Variants in ACAN observed in about 807,000 individuals in gnomAD.
ACAN encodes the protein aggrecan.
In ACAN, 47 loss-of-function variants were observed where a neutral mutation model predicts 169.1. The observed-to-expected ratio is 0.28, with a 90% CI of 0.22 to 0.35. The LOEUF is 0.35. Among genes scored for constraint, ACAN ranks in the 10% least tolerant of loss-of-function variants. The probability of loss-of-function intolerance (pLI) is 1.00; values close to 1 mark genes in which losing one functional copy is unlikely to be tolerated. For synonymous variants in ACAN, 1,115 were observed against 1,112.2 expected, an observed-to-expected ratio of 1.00 and a Z score of -0.05; for missense variants, 2,716 against 2,759.9, an observed-to-expected ratio of 0.98 and a Z score of 0.36.
At position 88,872,201 on chromosome 15, in the gene ACAN, G is replaced by A. The variant is rs775174238; in HGVS notation, c.7302+116G>A. The A allele has an allele frequency of 6.3e-5, 56 of 887,570 alleles. No homozygotes were observed. The highest frequency in any genetic ancestry group is 5.9e-4 in the African/African-American group (36 of 61,176). The allele number at this position is 887,570 out of a possible 1,614,324, so 55.0% of individuals were successfully genotyped here. A position where few individuals can be genotyped will look rare whatever the true frequency, so the allele number is the denominator to read the frequency against. Reference sequence around the variant, plus strand: ...ACAGCCGCTTACCAGCTGCTGGACCGGGAACCCTTGAGGGCAGGGATTATC... The same window carrying A: ...ACAGCCGCTTACCAGCTGCTGGACCAGGAACCCTTGAGGGCAGGGATTATC... On this transcript the variant is annotated intron_variant, in intron 16 of 18. Transcript: ENST00000560601. This position sits in a 1 kb window ranked among gnomAD's most constrained non-coding sequence, Gnocchi z 5.4.
At position 88,872,334 on chromosome 15, in the gene ACAN, T is replaced by G. The variant is rs1265150267; in HGVS notation, c.7302+249T>G. 2.0e-5 allele frequency among the ~76,000 whole-genome samples: 3 copies of G among 152,118 alleles called. No homozygotes were observed. Among genetic ancestry groups the G allele is most frequent in the Non-Finnish European group, 4.4e-5 (3 of 68,018 alleles). On this transcript the variant is annotated intron_variant, in intron 16 of 18. Transcript: ENST00000560601. The surrounding 1 kb of genome is among the most constrained non-coding windows in gnomAD (Gnocchi z 5.4). ...AATGAAGGAATAACAGCCACCACCA[T>G]GAGGAGTATACGGAAGCTTTAGAGA...
rs140159360 is a variant in ACAN at position 88,872,694 on chromosome 15, G to C, written c.7303-187G>C. Among the ~76,000 whole-genome samples the C allele has an allele frequency of 2.0e-5, 3 of 152,252 alleles. No individual in the cohort carries two copies. The East Asian group carries it at 5.8e-4, about 29-fold the overall frequency. ...TGACTGATTCCCTAGAGGGCCACCG[G>C]GTTCCATGGCCCCTAGAACAGCCCT... is the stretch of plus-strand genomic sequence containing the variant. On this transcript the variant is annotated intron_variant, in intron 16 of 18. Coordinates refer to ENST00000560601, the MANE Select transcript of ACAN (RefSeq NM_001369268.1). The surrounding 1 kb of genome is among the most constrained non-coding windows in gnomAD (Gnocchi z 5.4).
chr15:88,843,713 G>C lies in ACAN; in HGVS notation c.1051+65G>C. ...TAAAATGGGGTCCTAGAGGGAAGAG[G>C]GGATCTTGGAAAGGGAGGGTTGGTT... On this transcript the variant is annotated intron_variant, in intron 6 of 18. Transcript: ENST00000560601. The surrounding 1 kb of genome is among the most constrained non-coding windows in gnomAD (Gnocchi z 4.0). 1 of 1,498,976 alleles carries C rather than the reference G, an allele frequency of 6.7e-7. No homozygotes were observed. Among genetic ancestry groups the C allele is most frequent in the South Asian group, 1.4e-5 (1 of 72,672 alleles). 92.9% of individuals were successfully genotyped at this position (1,498,976 alleles called of 1,614,324 possible).
At chr15:88,817,591 T>C (rs1343849102) in intron 1 of ACAN, among the ~76,000 whole-genome samples, 1 of 151,460 alleles carries the variant, frequency 6.6e-6, no homozygotes, top group East Asian at 1.9e-4. Context: ...CGGTGGCTTA[T>C]GCCTGTAATC....
rs1897418765 is a variant in ACAN at position 88,872,961 on chromosome 15, G to A, written c.7383G>A (p.Glu2461=). ...GEDCVVMIWH[E]KGEWNDVPCN... ...ACTGTGTGGTGATGATCTGGCACGAGAAGGGCGAGTGGAATGATGTTCCCT... is the reference window on the plus strand; with the variant it reads ...ACTGTGTGGTGATGATCTGGCACGAAAAGGGCGAGTGGAATGATGTTCCCT... The change falls in exon 17 of 19, where the codon GAG becomes GAA. Residue 2461 remains glutamate (E), a synonymous_variant. Coordinates refer to ENST00000560601, the MANE Select transcript of ACAN (RefSeq NM_001369268.1). This position sits in a 1 kb window ranked among gnomAD's most constrained non-coding sequence, Gnocchi z 5.4. 2.5e-6 allele frequency: 4 copies of A among 1,613,938 alleles called. No individual in the cohort carries two copies. The highest frequency in any genetic ancestry group is 3.4e-6 in the Non-Finnish European group (4 of 1,179,932).
chr15:88,831,701 G>T (rs767037009), intron 1 of ACAN, among the ~76,000 whole-genome samples: 1 of 152,180 alleles, frequency 6.6e-6, no homozygotes, highest in Non-Finnish European at 1.5e-5. Context: ...CTACCATATG[G>T]CCTTGAGCAA....
At chr15:88,804,265 G>A (rs1288951138) in intron 1 of ACAN, among the ~76,000 whole-genome samples, 1 of 152,154 alleles carries the variant, frequency 6.6e-6, no homozygotes, top group Non-Finnish European at 1.5e-5. Context: ...AGAGGGAAAA[G>A]GCCTTCGCGG....
chr15:88,849,430 GC>G lies in ACAN; in HGVS notation c.1733-3del. 2 of 1,572,714 alleles carry G rather than the reference GC, an allele frequency of 1.3e-6. No individual in the cohort carries two copies. Among genetic ancestry groups the G allele is most frequent in the Non-Finnish European group, 8.7e-7 (1 of 1,156,002 alleles). On this transcript the variant is annotated splice_polypyrimidine_tract_variant and splice_region_variant and intron_variant, in intron 9 of 18. Coordinates refer to ENST00000560601, the MANE Select transcript of ACAN (RefSeq NM_001369268.1). This position sits in a 1 kb window ranked among gnomAD's most constrained non-coding sequence, Gnocchi z 5.1. The stretch of plus-strand genomic sequence containing the variant: ...GGGTCATATTCTACCCCTTGCCTCT[GC>G]CCCCAGGGGAGGTGTTCTTCGCCAC...
intron 2 of ACAN, among the ~76,000 whole-genome samples, chr15:88,836,847 A>G (rs576045491): frequency 6.6e-6 from 1 of 152,364 alleles, no homozygotes; most frequent in South Asian, 2.1e-4. Flanking sequence ...TGACCCCAGG[A>G]TGGGCTTGAC....
intron 1 of ACAN, among the ~76,000 whole-genome samples, chr15:88,817,103 A>G (rs556646860): frequency 4.6e-5 from 7 of 151,860 alleles, no homozygotes; most frequent in South Asian, 4.2e-4. Context: ...GCTGGAATCT[A>G]TTTTCTCCTG....
chr15:88,819,767 A>C (rs1374344927), intron 1 of ACAN, among the ~76,000 whole-genome samples: 1 of 152,000 alleles, frequency 6.6e-6, no homozygotes, highest in African/African-American at 2.4e-5. Context: ...CCCTATCTCT[A>C]AAAAACATTT....
chr15:88,835,396 G>GACACACACAT (rs1896476337), intron 1 of ACAN, among the ~76,000 whole-genome samples: 1 of 151,660 alleles, frequency 6.6e-6, no homozygotes, highest in East Asian at 1.9e-4. Flanking sequence ...TACGCACACA[G>GACACACACAT]ACACACACAT....
rs74030531 is a variant in ACAN at position 88,874,120 on chromosome 15, A to G, written c.7630+96A>G. The G allele has an allele frequency of 4.5e-3, 6,743 of 1,500,050 alleles. 257 individuals are homozygous for G. The African/African-American group carries it at 0.081, about 18-fold the overall frequency. 92.9% of individuals were successfully genotyped at this position (1,500,050 alleles called of 1,614,324 possible). On this transcript the variant is annotated intron_variant, in intron 18 of 18. Coordinates refer to ENST00000560601, the MANE Select transcript of ACAN (RefSeq NM_001369268.1). This position sits in a 1 kb window ranked among gnomAD's most constrained non-coding sequence, Gnocchi z 7.3. The stretch of plus-strand genomic sequence containing the variant: ...CTCTCCTGGGGACCCTACACCGTCC[A>G]CAGGGTTGAGCAAGGGAAGGGAGGT...
Position 88,872,767 on chromosome 15 carries a change from T to C in ACAN, c.7303-114T>C. On this transcript the variant is annotated intron_variant, in intron 16 of 18. Transcript: ENST00000560601. The surrounding 1 kb of genome is among the most constrained non-coding windows in gnomAD (Gnocchi z 5.4). Reference sequence around the variant, plus strand: ...GTGCTGCTATCAGATGAGCCTGAAGTTGGTGCTAAAAGAGAAAGGAGATGA... The same window carrying C: ...GTGCTGCTATCAGATGAGCCTGAAGCTGGTGCTAAAAGAGAAAGGAGATGA... 2 of 1,303,850 alleles carry C rather than the reference T, an allele frequency of 1.5e-6. No individual in the cohort carries two copies. Among genetic ancestry groups the C allele is most frequent in the African/African-American group, 1.5e-5 (1 of 67,638 alleles). The allele number at this position is 1,303,850 out of a possible 1,614,324, so 80.8% of individuals were successfully genotyped here.
rs1221426690 is a variant in ACAN at position 88,857,808 on chromosome 15, G to A, written c.5223G>A (p.Gly1741=). Residue 1741 remains glycine (G), a synonymous_variant, in exon 12 of 19, where the codon GGG becomes GGA. Coordinates refer to ENST00000560601, the MANE Select transcript of ACAN (RefSeq NM_001369268.1). ...TTGGTGTCAGTGGACAGCCATCAGG[G>A]TTTCCTGACACTAGTGGGGAAACAT... ...GLFGVSGQPS[G]FPDTSGETSG... is the part of the protein sequence containing the mutation. 6 of 1,613,794 alleles carry A rather than the reference G, an allele frequency of 3.7e-6. No homozygotes were observed. Among genetic ancestry groups the A allele is most frequent in the Non-Finnish European group, 5.1e-6 (6 of 1,179,902 alleles).
chr15:88,842,514 C>T (rs80350393), intron 5 of ACAN, among the ~76,000 whole-genome samples: 1 of 145,466 alleles, frequency 6.9e-6, no homozygotes, highest in Admixed American at 6.7e-5. Flanking sequence ...CTGCCCATCC[C>T]CCCTCCCCCC....
chr15:88,839,507 A>G lies in ACAN; in HGVS notation c.454+461A>G, dbSNP rs1896594433. Among the ~76,000 whole-genome samples, 1 of 152,236 alleles carries G rather than the reference A, an allele frequency of 6.6e-6. No individual in the cohort carries two copies. The highest frequency in any genetic ancestry group is 2.1e-4 in the South Asian group (1 of 4,834). On this transcript the variant is annotated intron_variant, in intron 3 of 18. Transcript: ENST00000560601. The surrounding 1 kb of genome is among the most constrained non-coding windows in gnomAD (Gnocchi z 4.5). The stretch of plus-strand genomic sequence containing the variant: ...CTGGTCTCTTTCTCTCCATGGCCCA[A>G]GGAGAACAGTCAGGTCTTTGGTTAG...
rs1896707345 is a variant in ACAN, at chr15:88,843,168, G to A, written c.758-187G>A. Among the ~76,000 whole-genome samples the A allele has an allele frequency of 6.6e-6, 1 of 152,114 alleles. No homozygotes were observed. Among genetic ancestry groups the A allele is most frequent in the South Asian group, 2.1e-4 (1 of 4,828 alleles). ...GGTCCCCTTGTTTTAGGAAATTGATGTCATCCTACACAAAAGCCCAGAAAT... is the reference window on the plus strand; with the variant it reads ...GGTCCCCTTGTTTTAGGAAATTGATATCATCCTACACAAAAGCCCAGAAAT... On this transcript the variant is annotated intron_variant, in intron 5 of 18. Transcript: ENST00000560601. The surrounding 1 kb of genome is among the most constrained non-coding windows in gnomAD (Gnocchi z 4.0).
At chr15:88,840,611 A>T (rs1198623078) in intron 4 of ACAN, among the ~76,000 whole-genome samples, 3 of 152,162 alleles carry the variant, frequency 2.0e-5, no homozygotes, top group African/African-American at 7.2e-5. Flanking sequence ...GGTGCAGAGC[A>T]GTCCAGATAG....
Sources: allele counts gnomAD v4.1 joint callset (sites outside exome capture counted in the v4.1 genomes callset), GRCh38; gene constraint gnomAD v4.1.1; non-coding constraint Gnocchi (gnomAD v3.1); transcripts MANE v1.5; gene names NCBI Gene and HGNC (gene_info 2026-07-23, HGNC 2026-07-21).